Variants in HCN2 observed in about 807,000 individuals in gnomAD.
HCN2 encodes hyperpolarization activated cyclic nucleotide gated potassium and sodium channel 2, also known as potassium/sodium hyperpolarization-activated cyclic nucleotide-gated channel 2.
HCN2 carries 20 observed loss-of-function variants against 52.3 expected under a neutral mutation model. The ratio of observed to expected loss-of-function variants is 0.38; its 90% CI spans 0.27 to 0.56. The LOEUF is 0.56. Among genes scored for constraint, HCN2 ranks in the 20% least tolerant of loss-of-function variants. The probability of loss-of-function intolerance (pLI) is 0.71; values close to 1 mark genes in which losing one functional copy is unlikely to be tolerated. For missense variants in HCN2, 981 were observed against 1,207.7 expected (o/e 0.81, Z 2.78); for synonymous variants, 694 against 537.0 (o/e 1.29, Z -4.04).
intron 3 of HCN2, among the ~76,000 whole-genome samples, 174 bp from the exon 4 acceptor site, chr19:607,790 C>T (rs1305200076): frequency 6.6e-6 from 1 of 152,218 alleles, no homozygotes; most frequent in Non-Finnish European, 1.5e-5. Context: ...CTCACTGTGA[C>T]AAGTGTGCAA....
chr19:592,897 C>A lies in HCN2; in HGVS notation c.632+2320C>A, dbSNP rs1982914343. On this transcript the variant is annotated intron_variant, in intron 1 of 7. Coordinates refer to ENST00000251287, the MANE Select transcript of HCN2 (RefSeq NM_001194.4). This position sits in a 1 kb window ranked among gnomAD's most constrained non-coding sequence, Gnocchi z 4.8. The stretch of plus-strand genomic sequence containing the variant: ...CCAACTGGCTTCGGGCCCAAGGCCT[C>A]CTGTGCCTGGCTGGGTGTCTTGGGT... 6.6e-6 allele frequency among the ~76,000 whole-genome samples: 1 copy of A among 152,202 alleles called. No individual in the cohort carries two copies. The highest frequency in any genetic ancestry group is 2.1e-4 in the South Asian group (1 of 4,836).
At chr19:615,523 G>A (rs1255611297) in intron 7 of HCN2, among the ~76,000 whole-genome samples, 1 of 152,138 alleles carries the variant, frequency 6.6e-6, no homozygotes, top group Non-Finnish European at 1.5e-5. Context: ...CAGAAACAAA[G>A]CAAAACAAAA....
intron 7 of HCN2, 125 bp from the exon 8 acceptor site, chr19:615,670 G>A (rs1983869353): frequency 3.5e-6 from 3 of 846,800 alleles, no homozygotes; most frequent in African/African-American, 1.7e-5. Flanking sequence ...ACAGTAGGTG[G>A]TAAATGCATG....
At chr19:611,883 C>T (rs921684131) in intron 5 of HCN2, among the ~76,000 whole-genome samples, 3 of 152,192 alleles carry the variant, frequency 2.0e-5, no homozygotes, top group Non-Finnish European at 4.4e-5. Context: ...TGGTGGCTCA[C>T]GCCTGTAATC....
At chr19:600,797 C>T (rs553709280) in intron 1 of HCN2, among the ~76,000 whole-genome samples, 5 of 152,178 alleles carry the variant, frequency 3.3e-5, no homozygotes, top group Non-Finnish European at 7.3e-5. Flanking sequence ...TTTCTTTTAT[C>T]AGTTTTCCAA....
chr19:607,862 AC>A, intron 3 of HCN2, 101 bp from the exon 4 acceptor site: 1 of 804,306 alleles, frequency 1.2e-6, no homozygotes, highest in Non-Finnish European at 2.0e-6. Context: ...GGAGCTCACC[AC>A]CTCCAGTGCT....
intron 1 of HCN2, 91 bp from the exon 2 acceptor site, chr19:603,453 C>T: frequency 1.0e-6 from 1 of 1,002,016 alleles, no homozygotes; most frequent in Non-Finnish European, 1.5e-6. Context: ...GGTGTGGGCG[C>T]CCCTCGTCCC....
Position 590,408 on chromosome 19 carries a change from C to G in HCN2, c.463C>G (p.Pro155Ala), listed in dbSNP as rs776987187. 4.4e-6 allele frequency: 6 copies of G among 1,354,770 alleles called. No individual in the cohort carries two copies. Among genetic ancestry groups the G allele is most frequent in the Admixed American group, 2.5e-5 (1 of 40,256 alleles). The allele number at this position is 1,354,770 out of a possible 1,614,324, so 83.9% of individuals were successfully genotyped here. A position where few individuals can be genotyped will look rare whatever the true frequency, so the allele number is the denominator to read the frequency against. ...GSEEAGPAGE[P>A]RGSQASFMQR... The stretch of plus-strand genomic sequence containing the variant: ...CGAGGAGGCGGGCCCGGCGGGGGAG[C>G]CGCGCGGCAGCCAGGCCAGCTTCAT... Residue 155 changes from proline (P) to alanine (A), a missense_variant, in exon 1 of 8, where the codon CCG (proline) becomes GCG (alanine). Physicochemically the swap from Pro to Ala is conservative, Grantham distance 27. Around this residue, in one of 6 missense-constraint regions of HCN2, gnomAD observed 215 missense variants for 179.4 expected, o/e 1.20. Transcript: ENST00000251287. This position sits in a 1 kb window ranked among gnomAD's most constrained non-coding sequence, Gnocchi z 7.2.
chr19:594,599 T>C (rs3852908), intron 1 of HCN2, among the ~76,000 whole-genome samples: 79,185 of 151,980 alleles, frequency 0.52, 22,261 homozygotes, highest in African/African-American at 0.73. Context: ...GATGGCTGAG[T>C]GGGTCAGCGG....
chr19:610,428 G>A (rs766354581), intron 5 of HCN2, 23 bp downstream of exon 5: 28 of 1,607,118 alleles, frequency 1.7e-5, no homozygotes, highest in African/African-American at 5.3e-5. Context: ...CCGGGCGGGC[G>A]GGAGGCAGCC....
intron 5 of HCN2, among the ~76,000 whole-genome samples, chr19:612,427 T>TGTGTGTGTGTGTGTGTGTGTGTGAGAGA: frequency 4.2e-5 from 6 of 142,254 alleles, no homozygotes; most frequent in Non-Finnish European, 7.7e-5. Flanking sequence ...TGTGTGTGTG[T>TGTGTGTGTGTGTGTGTGTGTGTGAGAGA]GAGAGAGAGA....
chr19:589,895 CCGGCGGCGG>C lies in HCN2; in HGVS notation c.-40_-32del, dbSNP rs1035520656. 1 of 712,482 alleles carries C rather than the reference CCGGCGGCGG, an allele frequency of 1.4e-6. No individual in the cohort carries two copies. The highest frequency in any genetic ancestry group is 1.7e-6 in the Non-Finnish European group (1 of 593,432). The allele number at this position is 712,482 out of a possible 1,614,324, so 44.1% of individuals were successfully genotyped here. The stretch of plus-strand genomic sequence containing the variant: ...GCCTCCCCCCTCCCTCGGGCTCCGG[CCGGCGGCGG>C]CGGCGGCGGCTCCGCTCCGCACTGC... On this transcript the variant is annotated 5_prime_UTR_variant, in exon 1 of 8. Coordinates refer to ENST00000251287, the MANE Select transcript of HCN2 (RefSeq NM_001194.4).
chr19:609,820 G>A (rs1424003748), intron 4 of HCN2, among the ~76,000 whole-genome samples: 1 of 152,188 alleles, frequency 6.6e-6, no homozygotes, highest in Non-Finnish European at 1.5e-5. Context: ...AGGATTGCTT[G>A]AGCCCATAGG....
Position 613,508 on chromosome 19 carries a change from GCC to G in HCN2, c.1825+21_1825+22del. The G allele has an allele frequency of 2.9e-6, 3 of 1,039,932 alleles. No homozygotes were observed. Among genetic ancestry groups the G allele is most frequent in the Middle Eastern group, 2.5e-4 (1 of 3,924 alleles). The allele number at this position is 1,039,932 out of a possible 1,614,324, so 64.4% of individuals were successfully genotyped here. On this transcript the variant is annotated intron_variant, in intron 6 of 7. Coordinates refer to ENST00000251287, the MANE Select transcript of HCN2 (RefSeq NM_001194.4). Reference sequence around the variant, plus strand: ...TCGGGGGTGAGCTTGAGGGGGGCGCGCCTGGAGGGGGAGGGGGCACGCGACCC... The same window carrying G: ...TCGGGGGTGAGCTTGAGGGGGGCGCGTGGAGGGGGAGGGGGCACGCGACCC...
intron 1 of HCN2, among the ~76,000 whole-genome samples, chr19:595,176 C>T (rs549220169): frequency 5.3e-5 from 8 of 150,094 alleles, no homozygotes; most frequent in South Asian, 2.1e-4. Flanking sequence ...CACTCCGGCC[C>T]GGGAAACAGA....
At chr19:613,753 C>T (rs1983771973) in intron 6 of HCN2, 99 bp from the exon 7 acceptor site, 14 of 1,257,426 alleles carry the variant, frequency 1.1e-5, no homozygotes, top group Non-Finnish European at 1.0e-6. Flanking sequence ...TGGGAAGCGC[C>T]CACGCTGGCC....
At chr19:607,701 C>T (rs1399628395) in intron 3 of HCN2, among the ~76,000 whole-genome samples, 1 of 152,214 alleles carries the variant, frequency 6.6e-6, no homozygotes, top group Non-Finnish European at 1.5e-5. Context: ...AAAGGCGGGA[C>T]CCAGACTCTC....
In HCN2 at chr19:610,399, G is replaced by T. The variant is rs376640496; in HGVS notation, c.1578G>T (p.Leu526=). ...TCCTGGGCGAGCTCAACGGGCCCCTGCGGGAGGTGAGGCGGGCGCCGGGCG... is the reference window on the plus strand; with the variant it reads ...TCCTGGGCGAGCTCAACGGGCCCCTTCGGGAGGTGAGGCGGGCGCCGGGCG... ...DSILGELNGP[L]REEIVNFNCR... is the part of the protein sequence containing the mutation. The change falls in exon 5 of 8, where the codon CTG becomes CTT. Residue 526 remains leucine, a synonymous_variant. Coordinates refer to ENST00000251287, the MANE Select transcript of HCN2 (RefSeq NM_001194.4). 1 of 1,613,130 alleles carries T rather than the reference G, an allele frequency of 6.2e-7. No individual in the cohort carries two copies. The highest frequency in any genetic ancestry group is 1.1e-5 in the South Asian group (1 of 91,072).
In HCN2 at chr19:591,631, G is replaced by A. The variant is rs561679631; in HGVS notation, c.632+1054G>A. Among the ~76,000 whole-genome samples the A allele has an allele frequency of 2.6e-5, 4 of 152,052 alleles. No homozygotes were observed. Among genetic ancestry groups the A allele is most frequent in the African/African-American group, 9.6e-5 (4 of 41,496 alleles). On this transcript the variant is annotated intron_variant, in intron 1 of 7. Coordinates refer to ENST00000251287, the MANE Select transcript of HCN2 (RefSeq NM_001194.4). This position sits in a 1 kb window ranked among gnomAD's most constrained non-coding sequence, Gnocchi z 4.1. The stretch of plus-strand genomic sequence containing the variant: ...CAGGTGGAGGGTGTAGGTGGGGCCC[G>A]CCGGGCTAGCGAGGCCGGGCGCGCG...
Sources: allele counts gnomAD v4.1 joint callset (sites outside exome capture counted in the v4.1 genomes callset), GRCh38; gene constraint gnomAD v4.1.1; regional missense constraint gnomAD v4.1.1; non-coding constraint Gnocchi (gnomAD v3.1); transcripts MANE v1.5; gene names NCBI Gene and HGNC (gene_info 2026-07-23, HGNC 2026-07-21).